CFAP54: variants seen among roughly 807,000 people sequenced by gnomAD.
CFAP54 encodes cilia- and flagella-associated protein 54.
Under a neutral mutation model 370.4 loss-of-function variants are expected in CFAP54, and 290 were observed. That is an observed-to-expected ratio of 0.78 (90% CI 0.71 to 0.86). The LOEUF (loss-of-function observed/expected upper bound fraction) is 0.86. Ranked by LOEUF, CFAP54 falls within the 40% of genes least tolerant of loss-of-function variation. The probability of loss-of-function intolerance (pLI) is 0.00; values close to 1 mark genes in which losing one functional copy is unlikely to be tolerated. For synonymous variants in CFAP54, 1,206 were observed against 1,236.5 expected (o/e 0.98, Z 0.52); for missense variants, 3,399 against 3,528.7 (o/e 0.96, Z 0.93).
rs931044432 is a variant in CFAP54, at chr12:96,506,833, C to T, written c.568-95C>T. The T allele has an allele frequency of 7.4e-6, 8 of 1,079,716 alleles. No individual in the cohort carries two copies. The African/African-American group carries it at 1.3e-4, about 17-fold the overall frequency. The allele number at this position is 1,079,716 out of a possible 1,614,324, so 66.9% of individuals were successfully genotyped here. On this transcript the variant is annotated intron_variant, in intron 3 of 67. Coordinates refer to ENST00000524981, the MANE Select transcript of CFAP54 (RefSeq NM_001306084.2). Reference sequence around the variant, plus strand: ...AACTCCTGACCTCAGGTGATTTGCCCACCTTGGCCTCCCTAAGTGCTGGGA... The same window carrying T: ...AACTCCTGACCTCAGGTGATTTGCCTACCTTGGCCTCCCTAAGTGCTGGGA...
At chr12:96,534,249 C>A in intron 11 of CFAP54, 22 bp downstream of exon 11, 2 of 1,330,406 alleles carry the variant, frequency 1.5e-6, no homozygotes, top group South Asian at 1.4e-5. Flanking sequence ...TTTGTTTGTT[C>A]AAAAAATTTA....
intron 8 of CFAP54, among the ~76,000 whole-genome samples, chr12:96,525,601 T>A (rs1222816778): frequency 6.6e-6 from 1 of 152,196 alleles, no homozygotes; most frequent in African/African-American, 2.4e-5. Flanking sequence ...TCAATATGTA[T>A]TTTTAAAAGC....
chr12:96,548,114 A>AT (rs1419368883), intron 15 of CFAP54, 136 bp downstream of exon 15: 1 of 462,872 alleles, frequency 2.2e-6, no homozygotes, highest in East Asian at 3.6e-5. Flanking sequence ...ATGGCTTTAT[A>AT]TATTGAGAAC....
intron 26 of CFAP54, among the ~76,000 whole-genome samples, chr12:96,618,667 T>C (rs775158859): frequency 6.6e-6 from 1 of 152,164 alleles, no homozygotes; most frequent in Non-Finnish European, 1.5e-5. Flanking sequence ...CTAGAATAAA[T>C]TGGACTTCCA....
intron 36 of CFAP54, among the ~76,000 whole-genome samples, chr12:96,656,727 A>G (rs1289284820): frequency 1.3e-5 from 2 of 152,228 alleles, no homozygotes; most frequent in African/African-American, 2.4e-5. Context: ...TGTAATAACT[A>G]CAGAGGACTT....
chr12:96,723,081 T>A (rs1283968784), intron 50 of CFAP54, among the ~76,000 whole-genome samples: 2 of 152,294 alleles, frequency 1.3e-5, no homozygotes, highest in East Asian at 3.9e-4. Context: ...TGTAAGGTGA[T>A]GGATATACCA....
chr12:96,604,392 C>G (rs1188535089), intron 26 of CFAP54, among the ~76,000 whole-genome samples: 5 of 152,234 alleles, frequency 3.3e-5, no homozygotes, highest in African/African-American at 1.2e-4. Flanking sequence ...AGGTGTCTCC[C>G]AGTCAGGTTA....
intron 25 of CFAP54, among the ~76,000 whole-genome samples, chr12:96,598,078 G>A (rs1185561328): frequency 6.9e-6 from 1 of 145,336 alleles, no homozygotes; most frequent in Non-Finnish European, 1.5e-5. Flanking sequence ...GTGAATGATT[G>A]ATGCAATCTC....
intron 50 of CFAP54, 144 bp from the exon 51 acceptor site, chr12:96,739,811 AG>A (rs1284048449): frequency 5.4e-6 from 3 of 554,572 alleles, no homozygotes; most frequent in Non-Finnish European, 9.6e-6. Context: ...GGGTACTATT[AG>A]GGCCTGCAGA....
At chr12:96,751,019 A>T (rs192738039) in intron 55 of CFAP54, among the ~76,000 whole-genome samples, 3,284 of 152,212 alleles carry the variant, frequency 0.022, 58 homozygotes, top group Non-Finnish European at 0.034. Flanking sequence ...ACTACTTAAA[A>T]TTTTTTTTCA....
rs544174749 is a variant in CFAP54, at chr12:96,647,997, G to A, written c.4670G>A (p.Arg1557Lys). The stretch of plus-strand genomic sequence containing the variant: ...GATTTCCTTCTTACAGCCAAAAAAA[G>A]AAAGGCCAACTTACCATCAGGTAAA... ...MLDFLLTAKK[R>K]KANLPSDAEE... The change falls in exon 34 of 68, where the codon AGA becomes AAA. Residue 1557 changes from arginine (R) to lysine (K), a missense_variant. Arg to Lys is a conservative substitution (Grantham distance 26). This residue lies in a region of CFAP54 where 2,796 missense variants were observed against 2,869.7 expected (regional missense o/e 0.97). Transcript: ENST00000524981. The A allele has an allele frequency of 1.6e-3, 2,350 of 1,504,928 alleles. 1 individual carries two copies. Among genetic ancestry groups the A allele is most frequent in the Non-Finnish European group, 1.7e-3 (1,988 of 1,138,770 alleles). The allele number at this position is 1,504,928 out of a possible 1,614,324, so 93.2% of individuals were successfully genotyped here.
chr12:96,510,994 A>T (rs534311796), intron 4 of CFAP54, among the ~76,000 whole-genome samples: 1 of 150,798 alleles, frequency 6.6e-6, no homozygotes, highest in South Asian at 2.1e-4. Flanking sequence ...AATGAAAAAG[A>T]TGAAGAGTAG....
chr12:96,828,991 T>C, intron 65 of CFAP54, 23 bp from the exon 66 acceptor site: 1 of 1,279,112 alleles, frequency 7.8e-7, no homozygotes, highest in Non-Finnish European at 1.1e-6. Flanking sequence ...AACCTCACTG[T>C]ATTACTATCT....
At chr12:96,612,472 T>C (rs1093231) in intron 26 of CFAP54, among the ~76,000 whole-genome samples, 31,525 of 152,130 alleles carry the variant, frequency 0.21, 3,564 homozygotes, top group East Asian at 0.48. Context: ...AGGAAGAAAC[T>C]GCATCAACTA....
chr12:96,518,018 A>G (rs1057008923), intron 5 of CFAP54, among the ~76,000 whole-genome samples: 3 of 152,204 alleles, frequency 2.0e-5, no homozygotes, highest in Non-Finnish European at 4.4e-5. Flanking sequence ...ATTTTATTTT[A>G]GATTATGGAA....
chr12:96,509,279 C>G (rs1015875006), intron 4 of CFAP54, among the ~76,000 whole-genome samples: 2 of 152,122 alleles, frequency 1.3e-5, no homozygotes, highest in Non-Finnish European at 2.9e-5. Flanking sequence ...AGTGAAACTT[C>G]TGGGTATCTG....
At chr12:96,521,608 C>T (rs1955320803) in intron 6 of CFAP54, among the ~76,000 whole-genome samples, 1 of 151,442 alleles carries the variant, frequency 6.6e-6, no homozygotes, top group Admixed American at 6.6e-5. Flanking sequence ...CTGTATGGAG[C>T]TACTGTTTAA....
At chr12:96,498,690 T>C (rs1209309729) in intron 1 of CFAP54, among the ~76,000 whole-genome samples, 1 of 151,984 alleles carries the variant, frequency 6.6e-6, no homozygotes, top group African/African-American at 2.4e-5. Context: ...GTAGATAACA[T>C]AGGAGAGAAT....
chr12:96,702,334 T>C (rs1272574577), intron 46 of CFAP54, among the ~76,000 whole-genome samples: 1 of 151,664 alleles, frequency 6.6e-6, no homozygotes. Context: ...AGGGGAGAGT[T>C]TGGGGTTGCA....
Sources: gnomAD v4.1 joint callset for allele counts (sites outside exome capture counted in the v4.1 genomes callset) on GRCh38, gnomAD v4.1.1 for gene constraint, gnomAD v4.1.1 regional missense constraint, MANE v1.5 for transcripts, NCBI Gene and HGNC (gene_info 2026-07-23, HGNC 2026-07-21) for gene names.